NEO1: variants seen among roughly 807,000 people sequenced by gnomAD.
NEO1 encodes the protein neogenin 1.
NEO1 carries 63 observed loss-of-function variants against 159.7 expected under a neutral mutation model. The observed-to-expected ratio is 0.39, with a 90% CI of 0.32 to 0.49. NEO1 has a LOEUF of 0.49. NEO1 is among the 20% of genes least tolerant of loss of function. The probability of loss-of-function intolerance (pLI) is 0.85; values close to 1 mark genes in which losing one functional copy is unlikely to be tolerated. For missense variants in NEO1, 1,615 were observed against 1,831.0 expected, an observed-to-expected ratio of 0.88 and a Z score of 2.15; for synonymous variants, 633 against 662.0, an observed-to-expected ratio of 0.96 and a Z score of 0.67.
intron 1 of NEO1, among the ~76,000 whole-genome samples, chr15:73,094,973 G>A (rs2069919286): frequency 6.6e-6 from 1 of 152,146 alleles, no homozygotes; most frequent in Admixed American, 6.5e-5. Context: ...CACTTTGGGA[G>A]GCTGAGGCGG....
chr15:73,283,816 A>G (rs1301841054), intron 23 of NEO1, among the ~76,000 whole-genome samples: 1 of 152,222 alleles, frequency 6.6e-6, no homozygotes, highest in Non-Finnish European at 1.5e-5. Flanking sequence ...TCACAGCACA[A>G]ATGCCAGCCC....
At chr15:73,291,435 T>G (rs1271816750) in intron 25 of NEO1, among the ~76,000 whole-genome samples, 1 of 152,162 alleles carries the variant, frequency 6.6e-6, no homozygotes, top group Non-Finnish European at 1.5e-5. Flanking sequence ...GCCTTAACAG[T>G]TGGGTGGGTA....
intron 5 of NEO1, among the ~76,000 whole-genome samples, chr15:73,138,772 C>CA (rs1012507509): frequency 2.1e-5 from 3 of 143,604 alleles, no homozygotes; most frequent in African/African-American, 8.0e-5. Context: ...AAAAAAAAAA[C>CA]AAAAAAACAA....
At chr15:73,119,681 C>T (rs1596045673) in intron 2 of NEO1, among the ~76,000 whole-genome samples, 1 of 152,282 alleles carries the variant, frequency 6.6e-6, no homozygotes, top group South Asian at 2.1e-4. Flanking sequence ...TGCAGCGTTC[C>T]CTGCCTTGTT....
chr15:73,278,824 ATTG>A (rs2041540382), intron 22 of NEO1, among the ~76,000 whole-genome samples: 1 of 152,208 alleles, frequency 6.6e-6, no homozygotes, highest in Admixed American at 6.5e-5. Context: ...CCACGTGCTA[ATTG>A]TGGCAGTCCT....
chr15:73,062,992 A>G (rs1438758344), intron 1 of NEO1, among the ~76,000 whole-genome samples: 2 of 152,228 alleles, frequency 1.3e-5, no homozygotes. Flanking sequence ...ACTTAGGCAT[A>G]CATCTATATA....
chr15:73,089,910 A>G (rs2151436090), intron 1 of NEO1, among the ~76,000 whole-genome samples: 1 of 152,242 alleles, frequency 6.6e-6, no homozygotes, highest in South Asian at 2.1e-4. Flanking sequence ...ACCGTTGGGT[A>G]TAGCCCTCCT....
chr15:73,122,092 T>TATATAC lies in NEO1; in HGVS notation c.449-430_449-429insTACATA, dbSNP rs1567241749. Among the ~76,000 whole-genome samples, 152 of 102,978 alleles carry TATATAC rather than the reference T, an allele frequency of 1.5e-3. 1 individual carries two copies. The highest frequency in any genetic ancestry group is 5.1e-3 in the African/African-American group (140 of 27,330). The allele number at this position is 102,978 out of a possible 152,430, so 67.6% of individuals were successfully genotyped here. A position where few individuals can be genotyped will look rare whatever the true frequency, so the allele number is the denominator to read the frequency against. On this transcript the variant is annotated intron_variant, in intron 2 of 28. Transcript: ENST00000261908. Reference sequence around the variant, plus strand: ...ATATATATATATATATATATATATATATACACATTATATATATTATATATA... The same window carrying TATATAC: ...ATATATATATATATATATATATATATATATACATACACATTATATATATTATATATA...
chr15:73,074,166 A>G (rs1425456727), intron 1 of NEO1, among the ~76,000 whole-genome samples: 3 of 152,216 alleles, frequency 2.0e-5, no homozygotes, highest in Non-Finnish European at 4.4e-5. Context: ...GTCTAAACAG[A>G]TAAAGGTATC....
intron 16 of NEO1, 138 bp downstream of exon 16, chr15:73,266,549 T>A (rs2040909841): frequency 3.7e-6 from 2 of 541,758 alleles, no homozygotes; most frequent in East Asian, 5.9e-5. Flanking sequence ...AATGGGAAAG[T>A]GGGCTTTCAG....
rs146077526 is a variant in NEO1, at chr15:73,131,831, T to G, written c.879-4060T>G. On this transcript the variant is annotated intron_variant, in intron 4 of 28. Transcript: ENST00000261908. ...GTCTGGCTCCATCCTCATCCTCCTC[T>G]ATTTTCTTACACTTTGCCACACTGA... is the stretch of plus-strand genomic sequence containing the variant. Among the ~76,000 whole-genome samples, 25 of 152,368 alleles carry G rather than the reference T, an allele frequency of 1.6e-4. No individual in the cohort carries two copies. The East Asian group carries it at 4.6e-3, about 28-fold the overall frequency.
chr15:73,148,249 A>G (rs571033423), intron 5 of NEO1, among the ~76,000 whole-genome samples: 231 of 152,298 alleles, frequency 1.5e-3, no homozygotes, highest in African/African-American at 5.2e-3. Context: ...TTTTAATTAT[A>G]TTGTCAGTAA....
rs548020297 is a variant in NEO1 at position 73,110,773 on chromosome 15, C to T, written c.131-5767C>T. ...ATCCAGTGACTCTGGCCATACTAAA[C>T]CAAAATTAAGCAAATATAATTGGCT... On this transcript the variant is annotated intron_variant, in intron 1 of 28. Coordinates refer to ENST00000261908, the MANE Select transcript of NEO1 (RefSeq NM_002499.4). Among the ~76,000 whole-genome samples the T allele has an allele frequency of 2.0e-5, 3 of 152,186 alleles. No individual in the cohort carries two copies. In the South Asian group the frequency reaches 6.2e-4, roughly 32 times the overall value.
intron 1 of NEO1, among the ~76,000 whole-genome samples, chr15:73,088,864 T>C (rs1272239455): frequency 6.6e-6 from 1 of 152,032 alleles, no homozygotes; most frequent in Non-Finnish European, 1.5e-5. Flanking sequence ...GAGTAAAGTC[T>C]TGAGGCTAGA....
chr15:73,174,013 T>A (rs57164531), intron 5 of NEO1, among the ~76,000 whole-genome samples: 5 of 151,142 alleles, frequency 3.3e-5, no homozygotes, highest in African/African-American at 1.2e-4. Context: ...GGTACAAGAA[T>A]CGCTTGAACC....
At chr15:73,261,455 C>T (rs1225762322) in intron 15 of NEO1, among the ~76,000 whole-genome samples, 1 of 151,940 alleles carries the variant, frequency 6.6e-6, no homozygotes, top group Non-Finnish European at 1.5e-5. Context: ...GTCACTAAAA[C>T]TATAAGTGAA....
intron 8 of NEO1, among the ~76,000 whole-genome samples, chr15:73,242,185 C>A (rs1419259231): frequency 1.3e-5 from 2 of 152,148 alleles, no homozygotes; most frequent in Non-Finnish European, 2.9e-5. Flanking sequence ...TCTGTACTCT[C>A]TCAGAGAGCC....
chr15:73,126,400 ATTT>A lies in NEO1; in HGVS notation c.725-5_725-3del, dbSNP rs747845315. 7.0e-5 allele frequency: 92 copies of A among 1,310,514 alleles called. No homozygotes were observed. Among genetic ancestry groups the A allele is most frequent in the South Asian group, 2.3e-4 (16 of 70,796 alleles). The allele number at this position is 1,310,514 out of a possible 1,614,324, so 81.2% of individuals were successfully genotyped here. A position where few individuals can be genotyped will look rare whatever the true frequency, so the allele number is the denominator to read the frequency against. Reference sequence around the variant, plus strand: ...TGTCCTTTAATTATTGTCTTTGTTAATTTTTTTTTTTTTTAGATCCTGAGGTGA... The same window carrying A: ...TGTCCTTTAATTATTGTCTTTGTTAATTTTTTTTTTTAGATCCTGAGGTGA... On this transcript the variant is annotated splice_polypyrimidine_tract_variant and intron_variant, in intron 3 of 28. Transcript: ENST00000261908.
intron 8 of NEO1, among the ~76,000 whole-genome samples, chr15:73,237,819 C>T (rs961467401): frequency 2.0e-5 from 3 of 152,172 alleles, no homozygotes; most frequent in African/African-American, 4.8e-5. Context: ...CATTGAAAAT[C>T]TCATAAGCTT....
Sources: gnomAD v4.1 joint callset for allele counts (sites outside exome capture counted in the v4.1 genomes callset) on GRCh38, gnomAD v4.1.1 for gene constraint, MANE v1.5 for transcripts, NCBI Gene and HGNC (gene_info 2026-07-23, HGNC 2026-07-21) for gene names.